The following CSNK2A1 variants were observed in gnomAD, a reference collection of about 807,000 sequenced individuals.
CSNK2A1 encodes the protein casein kinase 2 alpha 1.
A neutral mutation model predicts 62.9 loss-of-function variants in CSNK2A1; 10 were observed. The observed-to-expected ratio is 0.16, with a 90% CI of 0.10 to 0.27. CSNK2A1 has a LOEUF of 0.27. Among genes scored for constraint, CSNK2A1 ranks in the 10% least tolerant of loss-of-function variants. CSNK2A1 has a pLI of 1.00. For missense variants in CSNK2A1, 160 were observed against 492.0 expected (o/e 0.33, Z 6.38); for synonymous variants, 124 against 167.8 (o/e 0.74, Z 2.02).
At chr20:492,078 T>C (rs1482296625) in intron 9 of CSNK2A1, among the ~76,000 whole-genome samples, 176 bp downstream of exon 9, 1 of 152,196 alleles carries the variant, frequency 6.6e-6, no homozygotes, top group Non-Finnish European at 1.5e-5. Flanking sequence ...AAAAGTAATG[T>C]AAGTCATGGT....
At chr20:517,266 C>T (rs2018847232) in intron 2 of CSNK2A1, among the ~76,000 whole-genome samples, 1 of 152,232 alleles carries the variant, frequency 6.6e-6, no homozygotes, top group Non-Finnish European at 1.5e-5. Flanking sequence ...GCTAATGTTA[C>T]CTGAATTACT....
chr20:510,199 T>C (rs1188972138), intron 2 of CSNK2A1: 3 of 149,306 alleles, frequency 2.0e-5, no homozygotes, highest in Non-Finnish European at 3.0e-5. Flanking sequence ...TGAGATGGAG[T>C]TTCGCTCTTG....
At chr20:513,983 A>G (rs957403798) in intron 2 of CSNK2A1, among the ~76,000 whole-genome samples, 1 of 152,188 alleles carries the variant, frequency 6.6e-6, no homozygotes, top group Non-Finnish European at 1.5e-5. Flanking sequence ...AATAAAACAG[A>G]GGATTCTTCA....
intron 7 of CSNK2A1, chr20:496,227 A>T (rs1487489066): frequency 2.4e-5 from 4 of 167,206 alleles, no homozygotes; most frequent in African/African-American, 9.6e-5. Flanking sequence ...CACAGGCCAA[A>T]TTTGGCCTGA....
intron 7 of CSNK2A1, 116 bp from the exon 8 acceptor site, chr20:495,918 AG>A: frequency 1.3e-6 from 1 of 768,240 alleles, no homozygotes. Flanking sequence ...ATTCAAGCTG[AG>A]GACACAGTCA....
At chr20:490,702 CTCTT>C (rs970687589) in intron 9 of CSNK2A1, among the ~76,000 whole-genome samples, 4 of 133,070 alleles carry the variant, frequency 3.0e-5, no homozygotes, top group Non-Finnish European at 4.8e-5. Flanking sequence ...CTGTGCCTGG[CTCTT>C]TTTTTTTTTT....
intron 4 of CSNK2A1, 192 bp downstream of exon 4, chr20:504,926 C>T (rs189476185): frequency 1.5e-4 from 81 of 549,572 alleles, no homozygotes; most frequent in African/African-American, 1.4e-3. Context: ...CAACTCAAAT[C>T]ACTTCTCTTG....
At chr20:514,733 T>C (rs60761376) in intron 2 of CSNK2A1, among the ~76,000 whole-genome samples, 6,377 of 152,282 alleles carry the variant, frequency 0.042, 399 homozygotes, top group African/African-American at 0.13. Context: ...TGAGCCACCA[T>C]GCCCAACCAA....
chr20:502,598 C>T (rs2122552633), intron 4 of CSNK2A1: 1 of 152,266 alleles, frequency 6.6e-6, no homozygotes, highest in South Asian at 2.1e-4. Context: ...ACTTACACCA[C>T]CTACCCACAG....
chr20:482,616 C>T lies in CSNK2A1; in HGVS notation c.*1345G>A, dbSNP rs933825979. 1.3e-5 allele frequency: 2 copies of T among 152,584 alleles called. No homozygotes were observed. The highest frequency in any genetic ancestry group is 2.9e-5 in the Non-Finnish European group (2 of 68,080). The allele number at this position is 152,584 out of a possible 1,614,324, so 9.5% of individuals were successfully genotyped here. A position where few individuals can be genotyped will look rare whatever the true frequency, so the allele number is the denominator to read the frequency against. On this transcript the variant is annotated 3_prime_UTR_variant, in exon 14 of 14. Transcript: ENST00000217244. ...GGGGCCTTGGGAAGCCTCCACGGTA[C>T]AGGGCTGCAGGCCCCTCAGATGTGA...
intron 1 of CSNK2A1, chr20:541,220 G>C (rs559351510): frequency 1.3e-4 from 20 of 152,058 alleles, no homozygotes; most frequent in African/African-American, 4.3e-4. Flanking sequence ...ACTAGATTCG[G>C]CCCACCCAGA....
At position 490,456 on chromosome 20, in the gene CSNK2A1, G is replaced by T. The variant is rs568204427; in HGVS notation, c.622-575C>A. On this transcript the variant is annotated intron_variant, in intron 9 of 13. Coordinates refer to ENST00000217244, the MANE Select transcript of CSNK2A1 (RefSeq NM_177559.3). Reference sequence around the variant, plus strand: ...GACAGAGTCTTGCTCTGTCGCCCAGGCTGCAGGGGTGTGATCTTGGCTCAT... The same window carrying T: ...GACAGAGTCTTGCTCTGTCGCCCAGTCTGCAGGGGTGTGATCTTGGCTCAT... Among the ~76,000 whole-genome samples the T allele has an allele frequency of 7.1e-5, 10 of 140,820 alleles. No homozygotes were observed. In the South Asian group the frequency reaches 2.4e-3, roughly 33 times the overall value. 92.4% of individuals were successfully genotyped at this position (140,820 alleles called of 152,430 possible).
At position 543,736 on chromosome 20, in the gene CSNK2A1, G is replaced by A. The variant is rs1045567965; in HGVS notation, c.-291C>T. On this transcript the variant is annotated 5_prime_UTR_variant, in exon 1 of 14. Transcript: ENST00000217244. ...CTGCTCACACAGACAATATGGCGGC[G>A]ATGGAGGAGGAGACACACGGCTCGG... The A allele has an allele frequency of 5.0e-6, 2 of 398,318 alleles. No homozygotes were observed. The highest frequency in any genetic ancestry group is 3.6e-5 in the East Asian group (1 of 28,056). 24.7% of individuals were successfully genotyped at this position (398,318 alleles called of 1,614,324 possible).
intron 12 of CSNK2A1, 120 bp from the exon 13 acceptor site, chr20:486,582 C>T: frequency 9.7e-7 from 1 of 1,025,816 alleles, no homozygotes; most frequent in Admixed American, 3.1e-5. Context: ...CATTATTCCC[C>T]AAAGAACTTA....
intron 12 of CSNK2A1, 101 bp downstream of exon 12, chr20:487,326 T>C: frequency 6.5e-7 from 1 of 1,532,112 alleles, no homozygotes; most frequent in South Asian, 1.2e-5. Context: ...TCAGTGTGGG[T>C]GAATTAACTT....
chr20:475,609 A>G lies in CSNK2A1; in HGVS notation c.*8352T>C, dbSNP rs1369471048. On this transcript the variant is annotated 3_prime_UTR_variant, in exon 14 of 14. Coordinates refer to ENST00000217244, the MANE Select transcript of CSNK2A1 (RefSeq NM_177559.3). ...TGGTTTGTTTCTTCATTCCCCTGTA[A>G]TAAGACTAAACATACACACCCTTTG... 6.6e-6 allele frequency: 1 copy of G among 152,120 alleles called. No individual in the cohort carries two copies. Among genetic ancestry groups the G allele is most frequent in the East Asian group, 1.9e-4 (1 of 5,186 alleles). The allele number at this position is 152,120 out of a possible 1,614,324, so 9.4% of individuals were successfully genotyped here.
chr20:489,048 C>T (rs2018160719), intron 10 of CSNK2A1: 1 of 336,236 alleles, frequency 3.0e-6, no homozygotes, highest in Non-Finnish European at 5.5e-6. Flanking sequence ...TTTTGGGAAG[C>T]TCCCATTGCA....
In CSNK2A1 at chr20:483,950, A is replaced by G; in HGVS notation, c.*11T>C. On this transcript the variant is annotated 3_prime_UTR_variant, in exon 14 of 14. Coordinates refer to ENST00000217244, the MANE Select transcript of CSNK2A1 (RefSeq NM_177559.3). ...CACCTCTGCTCAGGCATCAGGAGAC[A>G]GATAGGGCCGTTACTGCTGAGCGCC... 1.2e-6 allele frequency: 2 copies of G among 1,609,094 alleles called. No individual in the cohort carries two copies. The highest frequency in any genetic ancestry group is 1.7e-6 in the Non-Finnish European group (2 of 1,178,024).
Position 499,134 on chromosome 20 carries a change from A to T in CSNK2A1, c.366+121T>A. ...GGAGTTCTTCTATCTTAAAATTTGC[A>T]CTGTAAGGATGAAAAGCTTTTTAAA... On this transcript the variant is annotated intron_variant, in intron 6 of 13. Coordinates refer to ENST00000217244, the MANE Select transcript of CSNK2A1 (RefSeq NM_177559.3). This position sits in a 1 kb window ranked among gnomAD's most constrained non-coding sequence, Gnocchi z 4.2. 4.0e-6 allele frequency: 3 copies of T among 750,900 alleles called. No homozygotes were observed. The highest frequency in any genetic ancestry group is 3.9e-6 in the Non-Finnish European group (2 of 506,426). The allele number at this position is 750,900 out of a possible 1,614,324, so 46.5% of individuals were successfully genotyped here. A position where few individuals can be genotyped will look rare whatever the true frequency, so the allele number is the denominator to read the frequency against.
Sources: gnomAD v4.1 joint callset for allele counts (sites outside exome capture counted in the v4.1 genomes callset) on GRCh38, gnomAD v4.1.1 for gene constraint, Gnocchi (gnomAD v3.1) non-coding constraint, MANE v1.5 for transcripts, NCBI Gene and HGNC (gene_info 2026-07-23, HGNC 2026-07-21) for gene names.